ANKS1B: variants seen among roughly 807,000 people sequenced by gnomAD.
ANKS1B encodes ankyrin repeat and sterile alpha motif domain-containing protein 1B.
A neutral mutation model predicts 148.3 loss-of-function variants in ANKS1B; 36 were observed. The observed-to-expected ratio is 0.24, with a 90% CI of 0.19 to 0.32. The LOEUF is 0.32. Ranked by LOEUF, ANKS1B falls within the 10% of genes least tolerant of loss-of-function variation. The probability of loss-of-function intolerance (pLI) is 1.00; values close to 1 mark genes in which losing one functional copy is unlikely to be tolerated. For missense variants in ANKS1B, 1,157 were observed against 1,542.6 expected (o/e 0.75, Z 4.19); for synonymous variants, 542 against 560.8 (o/e 0.97, Z 0.47).
chr12:99,678,810 C>G (rs964182719), intron 8 of ANKS1B, among the ~76,000 whole-genome samples: 1 of 152,038 alleles, frequency 6.6e-6, no homozygotes, highest in Non-Finnish European at 1.5e-5. Context: ...TATGAATGCC[C>G]ATTAATATGA....
At chr12:99,968,328 C>T (rs1178860540) in intron 1 of ANKS1B, among the ~76,000 whole-genome samples, 1 of 152,070 alleles carries the variant, frequency 6.6e-6, no homozygotes, top group African/African-American at 2.4e-5. Flanking sequence ...GAGGCCGAGA[C>T]GGATGGATCA....
chr12:99,734,997 C>G (rs898781588), intron 8 of ANKS1B, among the ~76,000 whole-genome samples: 1 of 152,110 alleles, frequency 6.6e-6, no homozygotes, highest in Admixed American at 6.6e-5. Context: ...AGTCACCCAG[C>G]CTAGAAGTCT....
intron 8 of ANKS1B, among the ~76,000 whole-genome samples, chr12:99,710,663 T>A (rs1261136203): frequency 6.6e-6 from 1 of 152,164 alleles, no homozygotes; most frequent in African/African-American, 2.4e-5. Flanking sequence ...TAGAGAAGAA[T>A]ATATCTCTGG....
In ANKS1B at chr12:99,974,985, T is replaced by A. The variant is rs577495958; in HGVS notation, c.134+9119A>T. ...GAGGAACAGTGAGGCTCTGTCCTTA[T>A]AAAAAAAAATCAAAAAATTGGTTGG... On this transcript the variant is annotated intron_variant, in intron 1 of 26. Coordinates refer to ENST00000683438, the MANE Select transcript of ANKS1B (RefSeq NM_001352186.2). 5.0e-3 allele frequency among the ~76,000 whole-genome samples: 760 copies of A among 151,640 alleles called. 10 individuals carry two copies. Among genetic ancestry groups the A allele is most frequent in the Middle Eastern group, 0.017 (5 of 294 alleles).
chr12:99,439,571 C>G (rs1394588182), intron 11 of ANKS1B, among the ~76,000 whole-genome samples: 2 of 151,660 alleles, frequency 1.3e-5, no homozygotes, highest in Admixed American at 1.3e-4. Flanking sequence ...GATCATTAGT[C>G]ACCAGAAAAA....
At chr12:98,997,666 C>T (rs1276604407) in intron 17 of ANKS1B, among the ~76,000 whole-genome samples, 2 of 152,152 alleles carry the variant, frequency 1.3e-5, no homozygotes, top group East Asian at 1.9e-4. Context: ...GCTGGAATTA[C>T]AGGCATGAGC....
chr12:99,895,749 A>G (rs2093359773), intron 1 of ANKS1B, among the ~76,000 whole-genome samples: 1 of 151,044 alleles, frequency 6.6e-6, no homozygotes, highest in African/African-American at 2.4e-5. Context: ...CAAAACCCTT[A>G]CTCAGAGTAA....
intron 12 of ANKS1B, among the ~76,000 whole-genome samples, chr12:99,269,182 C>T (rs1422669233): frequency 2.6e-5 from 4 of 152,184 alleles, no homozygotes; most frequent in Non-Finnish European, 5.9e-5. Context: ...AAGTTAAGAG[C>T]TGCTTATTTG....
At chr12:99,604,783 C>T (rs541243357) in intron 9 of ANKS1B, among the ~76,000 whole-genome samples, 2 of 147,806 alleles carry the variant, frequency 1.4e-5, no homozygotes, top group Admixed American at 6.8e-5. Flanking sequence ...CCATTGCACT[C>T]CAGCCTGGGC....
At chr12:98,847,788 G>A (rs1399706408) in intron 17 of ANKS1B, among the ~76,000 whole-genome samples, 1 of 152,038 alleles carries the variant, frequency 6.6e-6, no homozygotes, top group Non-Finnish European at 1.5e-5. Context: ...TAGAGAGGGG[G>A]TTTTGTCATG....
At chr12:99,309,851 A>G (rs2082895470) in intron 12 of ANKS1B, among the ~76,000 whole-genome samples, 1 of 152,140 alleles carries the variant, frequency 6.6e-6, no homozygotes, top group South Asian at 2.1e-4. Flanking sequence ...GCTAAACACT[A>G]TGATGTCCTC....
intron 1 of ANKS1B, among the ~76,000 whole-genome samples, chr12:99,902,835 C>T (rs2093645297): frequency 6.6e-6 from 1 of 151,634 alleles, no homozygotes; most frequent in African/African-American, 2.4e-5. Context: ...ATTGCAACCT[C>T]CACCTCCTGG....
At chr12:99,395,492 C>A (rs574463287) in intron 12 of ANKS1B, among the ~76,000 whole-genome samples, 16 of 152,274 alleles carry the variant, frequency 1.1e-4, no homozygotes, top group Non-Finnish European at 1.8e-4. Flanking sequence ...CTTTGCACAT[C>A]CAATTACCAT....
chr12:99,032,365 A>C (rs1449477641), intron 17 of ANKS1B, among the ~76,000 whole-genome samples: 2 of 152,214 alleles, frequency 1.3e-5, no homozygotes, highest in East Asian at 3.8e-4. Flanking sequence ...TCAGTGTGTC[A>C]GCAGGGCATT....
intron 9 of ANKS1B, among the ~76,000 whole-genome samples, chr12:99,575,526 T>G (rs774766335): frequency 6.6e-6 from 1 of 152,036 alleles, no homozygotes; most frequent in Non-Finnish European, 1.5e-5. Flanking sequence ...TGGGGAGGCC[T>G]CACAATTATG....
chr12:99,537,393 T>C (rs897358134), intron 9 of ANKS1B, among the ~76,000 whole-genome samples: 3 of 152,142 alleles, frequency 2.0e-5, no homozygotes, highest in African/African-American at 7.2e-5. Context: ...TGTATAAGGT[T>C]TTCCTTTTTC....
At chr12:99,259,265 C>A (rs1428189178) in intron 12 of ANKS1B, among the ~76,000 whole-genome samples, 1 of 152,172 alleles carries the variant, frequency 6.6e-6, no homozygotes, top group Non-Finnish European at 1.5e-5. Context: ...GGTATTTATT[C>A]TGATTGCACA....
chr12:99,669,428 G>A (rs908232214), intron 8 of ANKS1B, among the ~76,000 whole-genome samples: 1 of 151,980 alleles, frequency 6.6e-6, no homozygotes, highest in African/African-American at 2.4e-5. Flanking sequence ...TTCAAGGCTT[G>A]CTTTTACTTT....
chr12:99,820,563 T>C (rs1054561161), intron 2 of ANKS1B, among the ~76,000 whole-genome samples: 1 of 152,022 alleles, frequency 6.6e-6, no homozygotes, highest in Non-Finnish European at 1.5e-5. Flanking sequence ...CTGTGCAGAC[T>C]GCTAAGGCTT....
Sources: gnomAD v4.1 joint callset for allele counts (sites outside exome capture counted in the v4.1 genomes callset) on GRCh38, gnomAD v4.1.1 for gene constraint, MANE v1.5 for transcripts, NCBI Gene and HGNC (gene_info 2026-07-23, HGNC 2026-07-21) for gene names.